KCNN4: variants seen among roughly 807,000 people sequenced by gnomAD.
KCNN4 encodes the protein potassium calcium-activated channel subfamily N member 4.
KCNN4 carries 31 observed loss-of-function variants against 45.2 expected under a neutral mutation model. The observed-to-expected ratio is 0.69, with a 90% CI of 0.52 to 0.92. KCNN4 has a LOEUF of 0.92. Ranked by LOEUF, KCNN4 falls within the 40% of genes least tolerant of loss-of-function variation. The probability of loss-of-function intolerance (pLI) is 0.00; values close to 1 mark genes in which losing one functional copy is unlikely to be tolerated. For synonymous variants in KCNN4, 231 were observed against 254.6 expected, an observed-to-expected ratio of 0.91 and a Z score of 0.88; for missense variants, 463 against 574.0, an observed-to-expected ratio of 0.81 and a Z score of 1.98.
chr19:43,769,652 G>A lies in KCNN4; in HGVS notation c.930+67C>T. 6.4e-7 allele frequency: 1 copy of A among 1,559,480 alleles called. No homozygotes were observed. The highest frequency in any genetic ancestry group is 8.8e-7 in the Non-Finnish European group (1 of 1,131,506). On this transcript the variant is annotated intron_variant, in intron 5 of 8. Transcript: ENST00000648319. This position sits in a 1 kb window ranked among gnomAD's most constrained non-coding sequence, Gnocchi z 4.4. ...CTGGGACTCTTGGGTCCTAGGGGAA[G>A]CAGGGGCGCCTGGACTCCTGCTTCT... is the stretch of plus-strand genomic sequence containing the variant.
rs199672721 is a variant in KCNN4, at chr19:43,774,500, C to A, written c.375G>T (p.Pro125=). ...GCGCCCCTAAATCCTGCACGCACGG[C>A]GGGCCCCGCACGGGCGCCGGGTGCA... is the stretch of plus-strand genomic sequence containing the variant. The part of the protein sequence containing the change: ...CGLHPAPVRG[P]PCVQDLGAPL... The change falls in exon 3 of 9, where the codon CCG becomes CCT. Residue 125 remains proline (P), a synonymous_variant. Transcript: ENST00000648319. The surrounding 1 kb of genome is among the most constrained non-coding windows in gnomAD (Gnocchi z 5.6). The A allele has an allele frequency of 6.3e-6, 10 of 1,596,774 alleles. No homozygotes were observed. In the South Asian group the frequency reaches 1.1e-4, roughly 18 times the overall value.
chr19:43,774,167 G>T lies in KCNN4; in HGVS notation c.683+25C>A. 1 of 1,591,598 alleles carries T rather than the reference G, an allele frequency of 6.3e-7. No individual in the cohort carries two copies. The highest frequency in any genetic ancestry group is 8.6e-7 in the Non-Finnish European group (1 of 1,166,102). ...GTGGCTGTCCGGGGTTCCCCCCTGCGCATTTATGCCTCCATCACCCTCACC... is the reference window on the plus strand; with the variant it reads ...GTGGCTGTCCGGGGTTCCCCCCTGCTCATTTATGCCTCCATCACCCTCACC... On this transcript the variant is annotated intron_variant, in intron 3 of 8. Transcript: ENST00000648319. This position sits in a 1 kb window ranked among gnomAD's most constrained non-coding sequence, Gnocchi z 5.6.
chr19:43,776,839 T>C (rs1047289268), intron 1 of KCNN4: 8 of 555,720 alleles, frequency 1.4e-5, no homozygotes, highest in Admixed American at 3.0e-5. Context: ...GGCTCACACC[T>C]GTAATCCCAA....
chr19:43,771,092 G>A (rs1245356174), intron 4 of KCNN4, among the ~76,000 whole-genome samples: 5 of 152,116 alleles, frequency 3.3e-5, no homozygotes, highest in Admixed American at 2.6e-4. Flanking sequence ...ATCTTGTAGG[G>A]AGGTGAAGGC....
At chr19:43,780,321 C>T (rs1434989809) in intron 1 of KCNN4, among the ~76,000 whole-genome samples, 2 of 151,820 alleles carry the variant, frequency 1.3e-5, no homozygotes, top group Non-Finnish European at 2.9e-5. Flanking sequence ...CAAAGCCCCT[C>T]CTCCCTCAGA....
intron 7 of KCNN4, among the ~76,000 whole-genome samples, chr19:43,768,094 C>A (rs1969532742): frequency 6.6e-6 from 1 of 152,198 alleles, no homozygotes; most frequent in Non-Finnish European, 1.5e-5. Flanking sequence ...TTACTGCATT[C>A]TCTGGCTAGG....
rs933800618 is a variant in KCNN4 at position 43,780,930 on chromosome 19, C to A, written c.-69G>T. 3 of 1,519,440 alleles carry A rather than the reference C, an allele frequency of 2.0e-6. No individual in the cohort carries two copies. The highest frequency in any genetic ancestry group is 2.7e-6 in the Non-Finnish European group (3 of 1,105,804). The allele number at this position is 1,519,440 out of a possible 1,614,324, so 94.1% of individuals were successfully genotyped here. Reference sequence around the variant, plus strand: ...CCCCCACCTCGCAGCACGCACAGGGCAGCCACTGTGGCTTGCAGGTCGTCA... The same window carrying A: ...CCCCCACCTCGCAGCACGCACAGGGAAGCCACTGTGGCTTGCAGGTCGTCA... On this transcript the variant is annotated 5_prime_UTR_variant, in exon 1 of 9. Coordinates refer to ENST00000648319, the MANE Select transcript of KCNN4 (RefSeq NM_002250.3).
chr19:43,771,485 G>A (rs1002827984), intron 4 of KCNN4, among the ~76,000 whole-genome samples: 3 of 152,206 alleles, frequency 2.0e-5, no homozygotes, highest in South Asian at 2.1e-4. Flanking sequence ...CGCAGGATTC[G>A]GACCCAGGTA....
Position 43,774,992 on chromosome 19 carries a change from G to T in KCNN4, c.256-373C>A, listed in dbSNP as rs1056379387. On this transcript the variant is annotated intron_variant, in intron 2 of 8. Coordinates refer to ENST00000648319, the MANE Select transcript of KCNN4 (RefSeq NM_002250.3). The surrounding 1 kb of genome is among the most constrained non-coding windows in gnomAD (Gnocchi z 5.6). ...TGGAGCTCGCTCCTACTCCCCTTTCGGTTGACACGCGTAATAACTGTAATA... is the reference window on the plus strand; with the variant it reads ...TGGAGCTCGCTCCTACTCCCCTTTCTGTTGACACGCGTAATAACTGTAATA... Among the ~76,000 whole-genome samples, 6 of 152,122 alleles carry T rather than the reference G, an allele frequency of 3.9e-5. No individual in the cohort carries two copies. The South Asian group carries it at 8.3e-4, about 21-fold the overall frequency.
At chr19:43,767,848 T>C (rs1969526957) in intron 7 of KCNN4, 141 bp from the exon 8 acceptor site, 1 of 1,079,258 alleles carries the variant, frequency 9.3e-7, no homozygotes, top group Non-Finnish European at 1.4e-6. Flanking sequence ...TTACCATGTA[T>C]TGACCACCTA....
Position 43,774,931 on chromosome 19 carries a change from C to G in KCNN4, c.256-312G>C, listed in dbSNP as rs1327309599. Among the ~76,000 whole-genome samples, 1 of 152,214 alleles carries G rather than the reference C, an allele frequency of 6.6e-6. No homozygotes were observed. The highest frequency in any genetic ancestry group is 2.4e-5 in the African/African-American group (1 of 41,448). Reference sequence around the variant, plus strand: ...AAGGATACACAGTGAACCCAACAGACCCCCCTGCCTCCCTAGAGCTTGCAT... The same window carrying G: ...AAGGATACACAGTGAACCCAACAGAGCCCCCTGCCTCCCTAGAGCTTGCAT... On this transcript the variant is annotated intron_variant, in intron 2 of 8. Transcript: ENST00000648319. The surrounding 1 kb of genome is among the most constrained non-coding windows in gnomAD (Gnocchi z 5.6).
intron 1 of KCNN4, among the ~76,000 whole-genome samples, chr19:43,777,372 G>C (rs541789): frequency 0.28 from 42,637 of 150,742 alleles, 6,385 homozygotes; most frequent in Non-Finnish European, 0.35. Context: ...CCTCTAGAGA[G>C]TGCCCCCTCC....
chr19:43,778,800 C>A (rs1319946204), intron 1 of KCNN4, among the ~76,000 whole-genome samples: 2 of 152,154 alleles, frequency 1.3e-5, no homozygotes, highest in Non-Finnish European at 2.9e-5. Flanking sequence ...GCACCTGCCT[C>A]TCTGCCAGCC....
intron 1 of KCNN4, 199 bp from the exon 2 acceptor site, chr19:43,776,835 CA>C (rs1449922879): frequency 1.8e-6 from 1 of 560,956 alleles, no homozygotes; most frequent in Non-Finnish European, 3.2e-6. Flanking sequence ...CGGTGGCTCA[CA>C]CCTGTAATCC....
chr19:43,775,609 G>A (rs761310994), intron 2 of KCNN4, among the ~76,000 whole-genome samples: 2 of 152,182 alleles, frequency 1.3e-5, no homozygotes, highest in Non-Finnish European at 2.9e-5. Flanking sequence ...ACTGCTCATA[G>A]AATTGCCACA....
Position 43,780,856 on chromosome 19 carries a change from G to A in KCNN4, c.6C>T (p.Gly2=), listed in dbSNP as rs760771636. Residue 2 remains glycine (G), a synonymous_variant, in exon 1 of 9, where the codon GGC becomes GGT. Transcript: ENST00000648319. M[G]GDLVLGLGAL... ...CCCCCAGGCCAAGCACCAGATCCCCGCCCATGGCCCCCGGGGTCTTGGGGC... is the reference window on the plus strand; with the variant it reads ...CCCCCAGGCCAAGCACCAGATCCCCACCCATGGCCCCCGGGGTCTTGGGGC... The A allele has an allele frequency of 4.3e-6, 7 of 1,613,606 alleles. No homozygotes were observed. In the South Asian group the frequency reaches 5.5e-5, roughly 13 times the overall value.
intron 4 of KCNN4, among the ~76,000 whole-genome samples, chr19:43,771,565 C>T (rs1454407082): frequency 6.6e-6 from 1 of 152,112 alleles, no homozygotes; most frequent in Non-Finnish European, 1.5e-5. Flanking sequence ...AGACGATTTC[C>T]CAGTTCTGGA....
chr19:43,777,956 T>G (rs1204201486), intron 1 of KCNN4, among the ~76,000 whole-genome samples: 2 of 152,186 alleles, frequency 1.3e-5, no homozygotes, highest in African/African-American at 4.8e-5. Context: ...CAACCCCCTA[T>G]CAGAACAATA....
At position 43,776,610 on chromosome 19, in the gene KCNN4, T is replaced by C. The variant is rs1969812972; in HGVS notation, c.186A>G (p.Lys62=). The C allele has an allele frequency of 6.2e-7, 1 of 1,613,742 alleles. No individual in the cohort carries two copies. The highest frequency in any genetic ancestry group is 1.1e-5 in the South Asian group (1 of 91,084). Residue 62 remains lysine (K), a synonymous_variant, in exon 2 of 9, where the codon AAA becomes AAG. Transcript: ENST00000648319. ...CSWALYLFLV[K]CTISISTFLL... is the part of the protein sequence containing the mutation. Reference sequence around the variant, plus strand: ...AGAAGGTGGAAATGCTGATCGTGCATTTAACCAGGAACAGGTAGAGCGCCC... The same window carrying C: ...AGAAGGTGGAAATGCTGATCGTGCACTTAACCAGGAACAGGTAGAGCGCCC...
Sources: gnomAD v4.1 joint callset for allele counts (sites outside exome capture counted in the v4.1 genomes callset) on GRCh38, gnomAD v4.1.1 for gene constraint, Gnocchi (gnomAD v3.1) non-coding constraint, MANE v1.5 for transcripts, NCBI Gene and HGNC (gene_info 2026-07-23, HGNC 2026-07-21) for gene names.